Variants in ROBO2 observed in about 807,000 individuals in gnomAD.
The protein encoded by ROBO2 is roundabout homolog 2.
A neutral mutation model predicts 160.8 loss-of-function variants in ROBO2; 53 were observed. The ratio of observed to expected loss-of-function variants is 0.33; its 90% CI spans 0.26 to 0.41. The LOEUF is 0.41. Among genes scored for constraint, ROBO2 ranks in the 10% least tolerant of loss-of-function variants. The pLI is 1.00. For synonymous variants in ROBO2, 664 were observed against 611.7 expected, an observed-to-expected ratio of 1.09 and a Z score of -1.26; for missense variants, 1,577 against 1,722.4, an observed-to-expected ratio of 0.92 and a Z score of 1.49.
chr3:77,096,272 T>C (rs925499695), intron 1 of ROBO2, among the ~76,000 whole-genome samples: 1 of 152,134 alleles, frequency 6.6e-6, no homozygotes, highest in Non-Finnish European at 1.5e-5. Context: ...TGTCCCCATA[T>C]ATGGTGATTC....
chr3:77,324,488 A>G (rs144925966), intron 2 of ROBO2, among the ~76,000 whole-genome samples: 79 of 152,210 alleles, frequency 5.2e-4, no homozygotes, highest in African/African-American at 1.6e-3. Flanking sequence ...AAATACTACC[A>G]TACTTCATAG....
chr3:76,538,695 G>T (rs981496496), intron 2 of ROBO2, among the ~76,000 whole-genome samples: 4 of 152,122 alleles, frequency 2.6e-5, no homozygotes, highest in African/African-American at 9.7e-5. Context: ...CTGTGTTATT[G>T]AGCATAGTAC....
intron 2 of ROBO2, among the ~76,000 whole-genome samples, chr3:77,106,489 C>T (rs1472941517): frequency 1.3e-5 from 2 of 152,148 alleles, no homozygotes; most frequent in South Asian, 4.1e-4. Flanking sequence ...ATTTGTGTTT[C>T]GGCAGAATAC....
chr3:77,530,165 A>G (rs951029085), intron 6 of ROBO2, among the ~76,000 whole-genome samples: 29 of 151,942 alleles, frequency 1.9e-4, no homozygotes, highest in Non-Finnish European at 4.0e-4. Context: ...GAAAGGGGAG[A>G]AAAAAACAGC....
At position 77,120,108 on chromosome 3, in the gene ROBO2, C is replaced by A. The variant is rs530913897; in HGVS notation, c.388+21768C>A. Among the ~76,000 whole-genome samples, 287 of 152,304 alleles carry A rather than the reference C, an allele frequency of 1.9e-3. 4 individuals carry two copies. The highest frequency in any genetic ancestry group is 2.3e-3 in the Non-Finnish European group (158 of 68,026). On this transcript the variant is annotated intron_variant, in intron 2 of 25. Transcript: ENST00000461745. ...ATCATCAACAACCTTGATTTCTATA[C>A]TGAAATTCCATTTTGTTAGCATCAT...
intron 2 of ROBO2, among the ~76,000 whole-genome samples, chr3:77,135,640 A>C (rs1466172596): frequency 1.3e-5 from 2 of 151,922 alleles, no homozygotes; most frequent in African/African-American, 4.8e-5. Context: ...GCCTCCTGGA[A>C]TCCGGCAATC....
intron 2 of ROBO2, among the ~76,000 whole-genome samples, chr3:77,126,257 C>T (rs904242258): frequency 6.6e-6 from 1 of 152,040 alleles, no homozygotes. Flanking sequence ...CTTTCCAAAA[C>T]GTATTCAAAG....
At chr3:77,355,288 G>A (rs2068953990) in intron 2 of ROBO2, among the ~76,000 whole-genome samples, 1 of 151,868 alleles carries the variant, frequency 6.6e-6, no homozygotes, top group Non-Finnish European at 1.5e-5. Context: ...GCCTTTTCCA[G>A]AATATCTTAT....
chr3:76,004,571 G>C (rs2065971120), intron 2 of ROBO2, among the ~76,000 whole-genome samples: 1 of 152,114 alleles, frequency 6.6e-6, no homozygotes, highest in Admixed American at 6.6e-5. Context: ...ATTCAGAGGT[G>C]GCTGTCATTT....
At chr3:76,296,433 T>C (rs977277398) in intron 2 of ROBO2, among the ~76,000 whole-genome samples, 1 of 152,204 alleles carries the variant, frequency 6.6e-6, no homozygotes, top group African/African-American at 2.4e-5. Context: ...CCTCTGTCCT[T>C]TCTCCATGAG....
intron 2 of ROBO2, among the ~76,000 whole-genome samples, chr3:77,429,507 T>G (rs899829235): frequency 6.6e-6 from 1 of 152,080 alleles, no homozygotes; most frequent in Non-Finnish European, 1.5e-5. Flanking sequence ...GAGGGGAATC[T>G]CAGGCAGTAT....
chr3:77,165,205 T>C (rs1253448152), intron 2 of ROBO2, among the ~76,000 whole-genome samples: 1 of 150,554 alleles, frequency 6.6e-6, no homozygotes, highest in African/African-American at 2.4e-5. Flanking sequence ...CTTTTCATTT[T>C]GTTCTGCACT....
chr3:75,983,505 A>G lies in ROBO2; in HGVS notation c.109+45903A>G, dbSNP rs748357906. On this transcript the variant is annotated intron_variant, in intron 2 of 26. Transcript: ENST00000487694. ...AGATAGTAACAGAGACTAACTGTACAGTCAGAAGTCCTGTTGAAATTAGAA... is the reference window on the plus strand; with the variant it reads ...AGATAGTAACAGAGACTAACTGTACGGTCAGAAGTCCTGTTGAAATTAGAA... Among the ~76,000 whole-genome samples, 120 of 151,646 alleles carry G rather than the reference A, an allele frequency of 7.9e-4. 1 individual carries two copies. The highest frequency in any genetic ancestry group is 3.4e-3 in the Middle Eastern group (1 of 294).
chr3:76,931,838 G>A (rs961194139), intron 2 of ROBO2, among the ~76,000 whole-genome samples: 8 of 151,636 alleles, frequency 5.3e-5, no homozygotes, highest in African/African-American at 1.7e-4. Flanking sequence ...CTGCCACCAC[G>A]CCTGGCTAAT....
upstream of ROBO2, among the ~76,000 whole-genome samples, chr3:77,037,219 C>A (rs2063691547): frequency 6.6e-6 from 1 of 152,098 alleles, no homozygotes. Context: ...TTTTTAGTCA[C>A]ATTTCATATC....
intron 2 of ROBO2, among the ~76,000 whole-genome samples, chr3:77,282,710 C>G (rs554235745): frequency 5.1e-4 from 77 of 152,100 alleles, no homozygotes; most frequent in Non-Finnish European, 1.0e-3. Flanking sequence ...ATAAATTAAA[C>G]AAACTCTAAT....
rs143620889 is a variant in ROBO2, at chr3:77,332,709, T to G, written c.389-144705T>G. Among the ~76,000 whole-genome samples, 870 of 152,350 alleles carry G rather than the reference T, an allele frequency of 5.7e-3. 6 individuals are homozygous for G. Among genetic ancestry groups the G allele is most frequent in the East Asian group, 0.047 (245 of 5,182 alleles). On this transcript the variant is annotated intron_variant, in intron 2 of 25. Coordinates refer to ENST00000461745, the Ensembl canonical transcript of ROBO2. ...GTAATTAGGCATTAATTCCAAAAGA[T>G]GTAGTACATGTTTGTACCTGCTTGG...
chr3:76,826,393 T>C (rs1170606234), intron 2 of ROBO2, among the ~76,000 whole-genome samples: 1 of 152,138 alleles, frequency 6.6e-6, no homozygotes, highest in Non-Finnish European at 1.5e-5. Context: ...GTAGTAGTCA[T>C]ATCATCTCAG....
chr3:77,165,026 C>A (rs1579550509), intron 2 of ROBO2, among the ~76,000 whole-genome samples: 2 of 151,780 alleles, frequency 1.3e-5, no homozygotes, highest in East Asian at 3.9e-4. Flanking sequence ...AGGTGAGGAG[C>A]CCCTCTGCCC....
Sources: gnomAD v4.1 joint callset for allele counts (sites outside exome capture counted in the v4.1 genomes callset) on GRCh38, gnomAD v4.1.1 for gene constraint, MANE v1.5 for transcripts, NCBI Gene and HGNC (gene_info 2026-07-23, HGNC 2026-07-21) for gene names.